The following SATB2 variants were observed in gnomAD, a reference collection of about 807,000 sequenced individuals.
The protein encoded by SATB2 is DNA-binding protein SATB2.
In SATB2, 1 loss-of-function variant was observed where a neutral mutation model predicts 73.4. The observed-to-expected ratio is 0.01, with a 90% CI of 0.00 to 0.06. The LOEUF is 0.06. Among genes scored for constraint, SATB2 ranks in the 10% least tolerant of loss-of-function variants. The pLI is 1.00. For synonymous variants in SATB2, 397 were observed against 367.0 expected, an observed-to-expected ratio of 1.08 and a Z score of -0.93; for missense variants, 459 against 945.8, an observed-to-expected ratio of 0.49 and a Z score of 6.75.
intron 9 of SATB2, among the ~76,000 whole-genome samples, chr2:199,316,840 G>T (rs1687749142): frequency 6.6e-6 from 1 of 151,980 alleles, no homozygotes; most frequent in Non-Finnish European, 1.5e-5. Flanking sequence ...ATTTGTGTTT[G>T]TCAAAAAAGA....
chr2:199,423,374 C>T (rs370021600), intron 3 of SATB2, among the ~76,000 whole-genome samples: 82 of 152,192 alleles, frequency 5.4e-4, no homozygotes, highest in African/African-American at 1.9e-3. Context: ...TAGAGAACCA[C>T]AGCCTCCAGG....
Position 199,355,348 on chromosome 2 carries a change from CTA to C in SATB2, c.701-6177_701-6176del, listed in dbSNP as rs72202602. On this transcript the variant is annotated intron_variant, in intron 6 of 10. Coordinates refer to ENST00000417098, the MANE Select transcript of SATB2 (RefSeq NM_001172509.2). ...TATGTGTGTGTGTGTGTGTGTGTATCTATATATATATATATATATATATATAT... is the reference window on the plus strand; with the variant it reads ...TATGTGTGTGTGTGTGTGTGTGTATCTATATATATATATATATATATATAT... Among the ~76,000 whole-genome samples, 690 of 134,180 alleles carry C rather than the reference CTA, an allele frequency of 5.1e-3. 50 individuals carry two copies. Among genetic ancestry groups the C allele is most frequent in the South Asian group, 0.037 (163 of 4,380 alleles). 88.0% of individuals were successfully genotyped at this position (134,180 alleles called of 152,430 possible).
chr2:199,280,302 G>A (rs1268926329), intron 10 of SATB2, among the ~76,000 whole-genome samples: 3 of 152,116 alleles, frequency 2.0e-5, no homozygotes, highest in Non-Finnish European at 4.4e-5. Context: ...AGCTGAGGAG[G>A]ATGTATGTCG....
intron 3 of SATB2, chr2:199,424,026 CT>C (rs1189396052): frequency 6.6e-6 from 1 of 152,198 alleles, no homozygotes; most frequent in Non-Finnish European, 1.5e-5. Context: ...GAGTAACAAG[CT>C]TGTAAAATAG....
chr2:199,406,647 C>T (rs1454495936), intron 3 of SATB2, among the ~76,000 whole-genome samples: 1 of 152,022 alleles, frequency 6.6e-6, no homozygotes, highest in African/African-American at 2.4e-5. Flanking sequence ...GAAGAATAGA[C>T]TTTTGAGAGA....
chr2:199,333,042 A>G lies in SATB2; in HGVS notation c.1174-4132T>C, dbSNP rs187352358. Reference sequence around the variant, plus strand: ...ATCTGTTCTTTACGGCTCTCAGACCATAGGTAACTCCCTAGGATTAGGCTA... The same window carrying G: ...ATCTGTTCTTTACGGCTCTCAGACCGTAGGTAACTCCCTAGGATTAGGCTA... On this transcript the variant is annotated intron_variant, in intron 7 of 10. Coordinates refer to ENST00000417098, the MANE Select transcript of SATB2 (RefSeq NM_001172509.2). Among the ~76,000 whole-genome samples, 24 of 152,230 alleles carry G rather than the reference A, an allele frequency of 1.6e-4. No homozygotes were observed. In the East Asian group the frequency reaches 4.4e-3, roughly 28 times the overall value.
intron 8 of SATB2, among the ~76,000 whole-genome samples, chr2:199,325,023 A>G (rs1687992351): frequency 6.6e-6 from 1 of 152,162 alleles, no homozygotes; most frequent in Non-Finnish European, 1.5e-5. Context: ...GGTCCAGAGA[A>G]AGATGTAACA....
chr2:199,360,195 T>C (rs937321068), intron 6 of SATB2, among the ~76,000 whole-genome samples: 4 of 152,292 alleles, frequency 2.6e-5, no homozygotes, highest in Middle Eastern at 3.4e-3. Context: ...GAAGAGGATG[T>C]CCCCACAATC....
intron 5 of SATB2, among the ~76,000 whole-genome samples, chr2:199,372,743 C>T (rs1324509366): frequency 6.6e-6 from 1 of 151,806 alleles, no homozygotes; most frequent in Non-Finnish European, 1.5e-5. Flanking sequence ...ATACTTTAGA[C>T]AAAACAAAAA....
In SATB2 at chr2:199,349,179, A is replaced by G. The variant is rs1279672306; in HGVS notation, c.701-6T>C. Reference sequence around the variant, plus strand: ...TTCTCGTTCCACTCTTTCCACTGTTAAGAGATAAAAGTGATAATTAATCAT... The same window carrying G: ...TTCTCGTTCCACTCTTTCCACTGTTGAGAGATAAAAGTGATAATTAATCAT... On this transcript the variant is annotated splice_polypyrimidine_tract_variant and splice_region_variant and intron_variant, in intron 6 of 10. Coordinates refer to ENST00000417098, the MANE Select transcript of SATB2 (RefSeq NM_001172509.2). 1 of 1,589,662 alleles carries G rather than the reference A, an allele frequency of 6.3e-7. No homozygotes were observed. Among genetic ancestry groups the G allele is most frequent in the South Asian group, 1.1e-5 (1 of 89,948 alleles).
At chr2:199,342,959 A>C in intron 7 of SATB2, among the ~76,000 whole-genome samples, 1 of 152,342 alleles carries the variant, frequency 6.6e-6, no homozygotes, top group South Asian at 2.1e-4. Flanking sequence ...CAGGGTAATT[A>C]ATAGTTTCTC....
intron 6 of SATB2, among the ~76,000 whole-genome samples, chr2:199,364,540 G>A (rs982618986): frequency 2.0e-5 from 3 of 152,130 alleles, no homozygotes; most frequent in Non-Finnish European, 2.9e-5. Flanking sequence ...ACAATCAGAC[G>A]GTTCTTGGGC....
intron 3 of SATB2, among the ~76,000 whole-genome samples, chr2:199,424,686 G>T (rs1183716148): frequency 6.6e-6 from 1 of 152,130 alleles, no homozygotes; most frequent in Non-Finnish European, 1.5e-5. Flanking sequence ...TTCAGATGAT[G>T]AGAAATCTTT....
intron 3 of SATB2, among the ~76,000 whole-genome samples, chr2:199,419,381 A>T (rs903247971): frequency 1.3e-5 from 2 of 152,190 alleles, no homozygotes; most frequent in East Asian, 1.9e-4. Flanking sequence ...TCTAAATGGC[A>T]CCCCCAGTGC....
intron 3 of SATB2, among the ~76,000 whole-genome samples, chr2:199,427,126 C>T (rs185616144): frequency 1.3e-5 from 2 of 152,170 alleles, no homozygotes; most frequent in East Asian, 3.8e-4. Flanking sequence ...GATCTGCCCA[C>T]CTCAGCCTCC....
At chr2:199,348,671 G>T in intron 7 of SATB2, 30 bp downstream of exon 7, 1 of 1,488,652 alleles carries the variant, frequency 6.7e-7, no homozygotes, top group Non-Finnish European at 9.2e-7. Context: ...CAGTATTACT[G>T]TTAATTACAG....
intron 6 of SATB2, among the ~76,000 whole-genome samples, chr2:199,363,625 GAGTA>G (rs1689201143): frequency 2.0e-5 from 3 of 152,130 alleles, no homozygotes; most frequent in Admixed American, 6.6e-5. Flanking sequence ...TAATATCACA[GAGTA>G]AGTCTCAGAT....
chr2:199,344,017 C>T (rs1042505522), intron 7 of SATB2, among the ~76,000 whole-genome samples: 3 of 152,180 alleles, frequency 2.0e-5, no homozygotes, highest in Admixed American at 2.0e-4. Flanking sequence ...GCAAAGTATA[C>T]ACTCTCGCCA....
chr2:199,338,342 T>C (rs2105808906), intron 7 of SATB2, among the ~76,000 whole-genome samples: 1 of 151,268 alleles, frequency 6.6e-6, no homozygotes, highest in East Asian at 2.0e-4. Flanking sequence ...CACTCCAGCC[T>C]GGGCGACAGA....
Sources: allele counts gnomAD v4.1 joint callset (sites outside exome capture counted in the v4.1 genomes callset), GRCh38; gene constraint gnomAD v4.1.1; transcripts MANE v1.5; gene names NCBI Gene and HGNC (gene_info 2026-07-23, HGNC 2026-07-21).